Variants in SLFN12L observed in about 807,000 individuals in gnomAD.
The protein encoded by SLFN12L is schlafen family member 12-like.
Under a neutral mutation model 34.8 loss-of-function variants are expected in SLFN12L, and 34 were observed. The observed-to-expected ratio is 0.98, with a 90% CI of 0.74 to 1.30. The LOEUF (loss-of-function observed/expected upper bound fraction) is 1.30. Among genes scored for constraint, SLFN12L ranks in the 50% most tolerant of loss-of-function variants. The pLI is 0.00. For missense variants in SLFN12L, 703 were observed against 696.2 expected (o/e 1.01, Z -0.11); for synonymous variants, 259 against 247.5 (o/e 1.05, Z -0.44).
At chr17:35,533,526 T>C (rs2072430690) in intron 1 of SLFN12L, among the ~76,000 whole-genome samples, 1 of 152,106 alleles carries the variant, frequency 6.6e-6, no homozygotes, top group African/African-American at 2.4e-5. Flanking sequence ...GGAGAGGGAA[T>C]GGGTTCAGAG....
chr17:35,487,494 A>G (rs2089467834), intron 2 of SLFN12L, among the ~76,000 whole-genome samples: 1 of 151,590 alleles, frequency 6.6e-6, no homozygotes, highest in South Asian at 2.1e-4. Context: ...CCCCGGAATA[A>G]GAAACGGAGG....
chr17:35,502,769 T>G (rs1915344166), intron 2 of SLFN12L, among the ~76,000 whole-genome samples: 1 of 152,200 alleles, frequency 6.6e-6, no homozygotes, highest in Non-Finnish European at 1.5e-5. Flanking sequence ...TCTTGTGGCC[T>G]TAGACAGTCT....
intron 2 of SLFN12L, chr17:35,490,386 GT>G (rs749871074): frequency 1.2e-4 from 161 of 1,316,570 alleles, no homozygotes; most frequent in Middle Eastern, 1.8e-4. Context: ...TCACCAAGAA[GT>G]TCATTCAGCT....
intron 1 of SLFN12L, among the ~76,000 whole-genome samples, chr17:35,532,441 CAAAA>C (rs11323761): frequency 1.7e-5 from 2 of 118,922 alleles, no homozygotes; most frequent in East Asian, 2.3e-4. Flanking sequence ...GACTCCATCT[CAAAA>C]AAAAAAAAAA....
chr17:35,484,275 A>G (rs1233968437), intron 2 of SLFN12L, among the ~76,000 whole-genome samples: 1 of 152,206 alleles, frequency 6.6e-6, no homozygotes, highest in East Asian at 1.9e-4. Context: ...ACTTGGCACT[A>G]ATTTCACCAT....
chr17:35,477,207 T>C (rs1914071792), intron 4 of SLFN12L, among the ~76,000 whole-genome samples: 2 of 152,176 alleles, frequency 1.3e-5, no homozygotes, highest in South Asian at 4.1e-4. Context: ...AGTAACTGGA[T>C]CTAGGAAAAG....
In SLFN12L at chr17:35,466,996, G is replaced by A. The variant is rs1913727280; in HGVS notation, c.*7927C>T. ...CACCCTGCAAGCTCAGCCTCTCAGA[G>A]GGCCCAGGTTTGTCTCTAACCTGTC... On this transcript the variant is annotated 3_prime_UTR_variant, in exon 5 of 5. Coordinates refer to ENST00000628453, the MANE Select transcript of SLFN12L (RefSeq NM_001363830.2). Among the ~76,000 whole-genome samples, 1 of 152,188 alleles carries A rather than the reference G, an allele frequency of 6.6e-6. No homozygotes were observed. The highest frequency in any genetic ancestry group is 1.5e-5 in the Non-Finnish European group (1 of 68,034).
chr17:35,490,697 G>A (rs1291918628), intron 2 of SLFN12L: 5 of 1,239,102 alleles, frequency 4.0e-6, no homozygotes, highest in Non-Finnish European at 4.8e-6. Flanking sequence ...GATTCAGATC[G>A]TCAAAGGTTA....
In SLFN12L at chr17:35,470,552, T is replaced by C. The variant is rs1355086268; in HGVS notation, c.*4371A>G. The C allele has an allele frequency of 6.6e-6, 1 of 152,302 alleles. No homozygotes were observed. Among genetic ancestry groups the C allele is most frequent in the African/African-American group, 2.4e-5 (1 of 41,418 alleles). 9.4% of individuals were successfully genotyped at this position (152,302 alleles called of 1,614,324 possible). ...GGAGGAGTTCTGGTGCACTCACTGT[T>C]TGATGATGGTGGTCTTCCCCATGCC... On this transcript the variant is annotated 3_prime_UTR_variant, in exon 5 of 5. Coordinates refer to ENST00000628453, the MANE Select transcript of SLFN12L (RefSeq NM_001363830.2).
chr17:35,479,280 T>C lies in SLFN12L; in HGVS notation c.1002A>G (p.Val334=). The C allele has an allele frequency of 6.3e-7, 1 of 1,591,578 alleles. No homozygotes were observed. Residue 334 remains valine (V), a synonymous_variant, in exon 3 of 5, where the codon GTA becomes GTG. Transcript: ENST00000628453. ...TINYLCKFLG[V]YDKGRLCGYV... is the part of the protein sequence containing the mutation. ...ATCCACAAAGCCTTCCTTTATCATA[T>C]ACTCCAAGGAATTTGCATAAGTAAT...
intron 2 of SLFN12L, among the ~76,000 whole-genome samples, chr17:35,502,222 G>A (rs1915318575): frequency 6.6e-6 from 1 of 152,000 alleles, no homozygotes; most frequent in African/African-American, 2.4e-5. Context: ...CCACTTTGTT[G>A]TCAGTGTAAA....
At chr17:35,510,513 G>A (rs988286304) in intron 2 of SLFN12L, among the ~76,000 whole-genome samples, 16 of 152,180 alleles carry the variant, frequency 1.1e-4, no homozygotes, top group Admixed American at 6.5e-4. Context: ...AAGGTCACAC[G>A]CTGTTATTCC....
intron 2 of SLFN12L, chr17:35,480,469 T>G (rs535433124): frequency 3.3e-4 from 105 of 316,210 alleles, no homozygotes; most frequent in African/African-American, 2.1e-3. Flanking sequence ...TTCTCATCAC[T>G]AATATTGTAC....
At position 35,471,136 on chromosome 17, in the gene SLFN12L, CTT is replaced by C. The variant is rs57980615; in HGVS notation, c.*3785_*3786del. Among the ~76,000 whole-genome samples, 102,128 of 142,486 alleles carry C rather than the reference CTT, an allele frequency of 0.72. 36,964 individuals are homozygous for C. The highest frequency in any genetic ancestry group is 0.87 in the African/African-American group (33,348 of 38,356). 93.5% of individuals were successfully genotyped at this position (142,486 alleles called of 152,430 possible). A position where few individuals can be genotyped will look rare whatever the true frequency, so the allele number is the denominator to read the frequency against. On this transcript the variant is annotated 3_prime_UTR_variant, in exon 5 of 5. Coordinates refer to ENST00000628453, the MANE Select transcript of SLFN12L (RefSeq NM_001363830.2). ...GCAATAAACATATGTGTGCATGTGT[CTT>C]TTTTTTTTTTTTTCTGAGACAGAGT...
chr17:35,497,583 A>T (rs529464747), intron 2 of SLFN12L, among the ~76,000 whole-genome samples: 2 of 152,252 alleles, frequency 1.3e-5, no homozygotes, highest in South Asian at 4.1e-4. Context: ...CCACGTTTAC[A>T]TTCTCATACT....
rs984290856 is a variant in SLFN12L at position 35,470,923 on chromosome 17, G to A, written c.*4000C>T. Among the ~76,000 whole-genome samples, 1 of 151,784 alleles carries A rather than the reference G, an allele frequency of 6.6e-6. No homozygotes were observed. Among genetic ancestry groups the A allele is most frequent in the Non-Finnish European group, 1.5e-5 (1 of 67,992 alleles). On this transcript the variant is annotated 3_prime_UTR_variant, in exon 5 of 5. Transcript: ENST00000628453. ...GAGAACATGTAGTGTTTCATTTTCT[G>A]TTCCCATGTTAGTTTGCTGAGGATG... is the stretch of plus-strand genomic sequence containing the variant.
intron 2 of SLFN12L, among the ~76,000 whole-genome samples, chr17:35,488,930 C>T (rs1781091449): frequency 6.6e-6 from 1 of 151,956 alleles, no homozygotes; most frequent in South Asian, 2.1e-4. Flanking sequence ...ATTAGCCGGG[C>T]GTGGTGGCAC....
At chr17:35,498,512 C>A in intron 2 of SLFN12L, 1 of 1,225,020 alleles carries the variant, frequency 8.2e-7, no homozygotes, top group East Asian at 2.3e-5. Context: ...TTTATCCTCT[C>A]TTTGTCTGCC....
At chr17:35,521,715 A>C (rs973406607) in intron 2 of SLFN12L, among the ~76,000 whole-genome samples, 8 of 152,164 alleles carry the variant, frequency 5.3e-5, no homozygotes, top group African/African-American at 1.7e-4. Context: ...TTTTACAAAA[A>C]TATTTTTAAA....
Sources: gnomAD v4.1 joint callset for allele counts (sites outside exome capture counted in the v4.1 genomes callset) on GRCh38, gnomAD v4.1.1 for gene constraint, MANE v1.5 for transcripts, NCBI Gene and HGNC (gene_info 2026-07-23, HGNC 2026-07-21) for gene names.